The following GALNT18 variants were observed in gnomAD, a reference collection of about 807,000 sequenced individuals.
GALNT18 encodes the protein polypeptide N-acetylgalactosaminyltransferase 18.
A neutral mutation model predicts 69.5 loss-of-function variants in GALNT18; 44 were observed. The observed-to-expected ratio is 0.63, with a 90% CI of 0.50 to 0.81. The LOEUF is 0.81. Among genes scored for constraint, GALNT18 ranks in the 40% least tolerant of loss-of-function variants. The probability of loss-of-function intolerance (pLI) is 0.00; values close to 1 mark genes in which losing one functional copy is unlikely to be tolerated. For missense variants in GALNT18, 715 were observed against 810.0 expected (o/e 0.88, Z 1.42); for synonymous variants, 364 against 318.2 (o/e 1.14, Z -1.53).
At position 11,432,778 on chromosome 11, in the gene GALNT18, G is replaced by T. The variant is rs201934544; in HGVS notation, c.438C>A (p.Asn146Lys). ...CTGGCAGGCTGTCAGGAAATGAGAG[G>T]TTACGGCACCTGCAAAGAACAGCCA... ...LPDLRPSGCR[N>K]LSFPDSLPEV... The change falls in exon 3 of 11, where the codon AAC becomes AAA. Residue 146 changes from asparagine (N) to lysine (K), a missense_variant. Asn to Lys is a moderately conservative substitution (Grantham distance 94, BLOSUM62 0). Coordinates refer to ENST00000227756, the MANE Select transcript of GALNT18 (RefSeq NM_198516.3). This position sits in a 1 kb window ranked among gnomAD's most constrained non-coding sequence, Gnocchi z 5.8. 1.1e-5 allele frequency: 18 copies of T among 1,613,644 alleles called. No individual in the cohort carries two copies. The highest frequency in any genetic ancestry group is 1.4e-5 in the Non-Finnish European group (16 of 1,179,750).
chr11:11,546,321 C>G lies in GALNT18; in HGVS notation c.235+75038G>C, dbSNP rs1858052631. Among the ~76,000 whole-genome samples the G allele has an allele frequency of 6.6e-6, 1 of 152,178 alleles. No homozygotes were observed. ...ACCTGAGGCCATCGGGACTCCCTGT[C>G]TTATCCTCCCCATGCACTAGATCCT... On this transcript the variant is annotated intron_variant, in intron 1 of 10. Transcript: ENST00000227756. This position sits in a 1 kb window ranked among gnomAD's most constrained non-coding sequence, Gnocchi z 5.8.
Position 11,293,178 on chromosome 11 carries a change from T to C in GALNT18, c.1528A>G (p.Ser510Gly). 7.5e-7 allele frequency: 1 copy of C among 1,336,456 alleles called. No individual in the cohort carries two copies. The highest frequency in any genetic ancestry group is 9.7e-7 in the Non-Finnish European group (1 of 1,033,594). 82.8% of individuals were successfully genotyped at this position (1,336,456 alleles called of 1,614,324 possible). A position where few individuals can be genotyped will look rare whatever the true frequency, so the allele number is the denominator to read the frequency against. ...GMTPQNVYYT[S>G]SQQIHVGILS... ...ATGCCCACATGGATCTGCTGACTGCTCGTGTAGTACACGTTCTGGGGGCGG... is the reference window on the plus strand; with the variant it reads ...ATGCCCACATGGATCTGCTGACTGCCCGTGTAGTACACGTTCTGGGGGCGG... Residue 510 changes from serine (S) to glycine (G), a missense_variant, in exon 10 of 11, where the codon AGC becomes GGC. Ser to Gly is a moderately conservative substitution (Grantham distance 56). Coordinates refer to ENST00000227756, the MANE Select transcript of GALNT18 (RefSeq NM_198516.3).
intron 1 of GALNT18, among the ~76,000 whole-genome samples, chr11:11,558,581 A>C (rs1858389468): frequency 6.6e-6 from 1 of 152,132 alleles, no homozygotes; most frequent in Non-Finnish European, 1.5e-5. Flanking sequence ...CAGCATTTCC[A>C]CCCTTCTTTA....
intron 3 of GALNT18, among the ~76,000 whole-genome samples, chr11:11,390,025 C>T (rs1445280536): frequency 6.6e-6 from 1 of 152,136 alleles, no homozygotes; most frequent in Non-Finnish European, 1.5e-5. Flanking sequence ...TCCAAAATTT[C>T]AAAATTCTGA....
In GALNT18 at chr11:11,413,309, G is replaced by A. The variant is rs1026675977; in HGVS notation, c.595+19312C>T. Among the ~76,000 whole-genome samples, 1 of 152,172 alleles carries A rather than the reference G, an allele frequency of 6.6e-6. No homozygotes were observed. On this transcript the variant is annotated intron_variant, in intron 3 of 10. Coordinates refer to ENST00000227756, the MANE Select transcript of GALNT18 (RefSeq NM_198516.3). The surrounding 1 kb of genome is among the most constrained non-coding windows in gnomAD (Gnocchi z 4.7). ...AGCTCTTCTGCACTGAGTGGCCCTGGAGGGGAAGCAATAGTCTGGCCAAAC... is the reference window on the plus strand; with the variant it reads ...AGCTCTTCTGCACTGAGTGGCCCTGAAGGGGAAGCAATAGTCTGGCCAAAC...
rs563453553 is a variant in GALNT18, at chr11:11,338,050, C to A, written c.1278+2769G>T. Among the ~76,000 whole-genome samples the A allele has an allele frequency of 9.9e-4, 150 of 151,020 alleles. 2 individuals are homozygous for A. The highest frequency in any genetic ancestry group is 3.4e-3 in the African/African-American group (138 of 41,002). The stretch of plus-strand genomic sequence containing the variant: ...TGGCACGATCTCAGCTCACTGGGAC[C>A]TCCGCCTCCCAGGTTAAAATGATTC... On this transcript the variant is annotated intron_variant, in intron 7 of 10. Transcript: ENST00000227756. The surrounding 1 kb of genome is among the most constrained non-coding windows in gnomAD (Gnocchi z 5.3).
rs1850169880 is a variant in GALNT18, at chr11:11,339,673, C to T, written c.1278+1146G>A. Among the ~76,000 whole-genome samples, 1 of 152,178 alleles carries T rather than the reference C, an allele frequency of 6.6e-6. No individual in the cohort carries two copies. Among genetic ancestry groups the T allele is most frequent in the African/African-American group, 2.4e-5 (1 of 41,426 alleles). ...TCCCGGGCTGGTACATTAGAGTTGG[C>T]TGCACTCTGGCTGATATTTCTCCGC... On this transcript the variant is annotated intron_variant, in intron 7 of 10. Coordinates refer to ENST00000227756, the MANE Select transcript of GALNT18 (RefSeq NM_198516.3). This position sits in a 1 kb window ranked among gnomAD's most constrained non-coding sequence, Gnocchi z 5.2.
chr11:11,376,359 G>C (rs1027125309), intron 5 of GALNT18, among the ~76,000 whole-genome samples: 1 of 152,118 alleles, frequency 6.6e-6, no homozygotes, highest in Non-Finnish European at 1.5e-5. Flanking sequence ...TCCAGCCTGG[G>C]TGACAGAGTG....
Position 11,382,764 on chromosome 11 carries a change from TA to T in GALNT18, c.596-3501del. 6.6e-6 allele frequency among the ~76,000 whole-genome samples: 1 copy of T among 152,326 alleles called. No individual in the cohort carries two copies. The highest frequency in any genetic ancestry group is 1.9e-4 in the East Asian group (1 of 5,184). On this transcript the variant is annotated intron_variant, in intron 3 of 10. Coordinates refer to ENST00000227756, the MANE Select transcript of GALNT18 (RefSeq NM_198516.3). This position sits in a 1 kb window ranked among gnomAD's most constrained non-coding sequence, Gnocchi z 4.3. ...ATTCCCTATGCAAGCTATCTTTAAT[TA>T]ATTTTTTGAAATTTCTATAAATAAC... is the stretch of plus-strand genomic sequence containing the variant.
rs1850527178 is a variant in GALNT18 at position 11,356,235 on chromosome 11, G to A, written c.1093-15231C>T. ...AAACCACAGCAGTGTCAGAGGAGGA[G>A]GAGAAGGAACCCTTGCTCAGTTTGT... On this transcript the variant is annotated intron_variant, in intron 6 of 10. Transcript: ENST00000227756. The surrounding 1 kb of genome is among the most constrained non-coding windows in gnomAD (Gnocchi z 4.4). Among the ~76,000 whole-genome samples the A allele has an allele frequency of 1.3e-5, 2 of 152,190 alleles. No homozygotes were observed. The highest frequency in any genetic ancestry group is 4.8e-5 in the African/African-American group (2 of 41,442).
In GALNT18 at chr11:11,332,934, G is replaced by C. The variant is rs1016911379; in HGVS notation, c.1279-103C>G. On this transcript the variant is annotated intron_variant, in intron 7 of 10. Coordinates refer to ENST00000227756, the MANE Select transcript of GALNT18 (RefSeq NM_198516.3). This position sits in a 1 kb window ranked among gnomAD's most constrained non-coding sequence, Gnocchi z 4.3. Reference sequence around the variant, plus strand: ...TTGTGCCCCCAACAAGATTCCTAGAGACTGGGGAAGGGACCATGTGGCACG... The same window carrying C: ...TTGTGCCCCCAACAAGATTCCTAGACACTGGGGAAGGGACCATGTGGCACG... The C allele has an allele frequency of 7.7e-7, 1 of 1,291,362 alleles. No homozygotes were observed. Among genetic ancestry groups the C allele is most frequent in the African/African-American group, 1.4e-5 (1 of 69,388 alleles). The allele number at this position is 1,291,362 out of a possible 1,614,324, so 80.0% of individuals were successfully genotyped here. A position where few individuals can be genotyped will look rare whatever the true frequency, so the allele number is the denominator to read the frequency against.
intron 3 of GALNT18, among the ~76,000 whole-genome samples, chr11:11,417,617 C>G (rs1345095002): frequency 6.6e-6 from 1 of 152,220 alleles, no homozygotes; most frequent in African/African-American, 2.4e-5. Context: ...CTGGCTGCCC[C>G]TCTCAGGAGG....
intron 3 of GALNT18, among the ~76,000 whole-genome samples, chr11:11,423,246 AAC>A (rs1436023696): frequency 2.6e-5 from 4 of 152,192 alleles, no homozygotes; most frequent in Non-Finnish European, 5.9e-5. Context: ...CATGCACACA[AAC>A]ACATGTGTTA....
chr11:11,467,308 C>A (rs1415499699), intron 1 of GALNT18, among the ~76,000 whole-genome samples: 1 of 152,214 alleles, frequency 6.6e-6, no homozygotes, highest in Non-Finnish European at 1.5e-5. Flanking sequence ...ACCCATGGCT[C>A]CATGGCCAGA....
chr11:11,339,736 T>C lies in GALNT18; in HGVS notation c.1278+1083A>G, dbSNP rs899095933. Reference sequence around the variant, plus strand: ...CTCCCAACTGCTGAAACCTCACTGATTGTGGGAGTATGCAACCCAACTCAA... The same window carrying C: ...CTCCCAACTGCTGAAACCTCACTGACTGTGGGAGTATGCAACCCAACTCAA... On this transcript the variant is annotated intron_variant, in intron 7 of 10. Coordinates refer to ENST00000227756, the MANE Select transcript of GALNT18 (RefSeq NM_198516.3). This position sits in a 1 kb window ranked among gnomAD's most constrained non-coding sequence, Gnocchi z 5.2. 3.9e-5 allele frequency among the ~76,000 whole-genome samples: 6 copies of C among 152,156 alleles called. No homozygotes were observed. The highest frequency in any genetic ancestry group is 7.2e-5 in the African/African-American group (3 of 41,458).
chr11:11,348,987 C>T (rs1049268705), intron 6 of GALNT18, among the ~76,000 whole-genome samples: 2 of 152,054 alleles, frequency 1.3e-5, no homozygotes, highest in Admixed American at 1.3e-4. Context: ...CCTCTGAGTG[C>T]TTTTCCTTAC....
chr11:11,516,349 T>G (rs1056064076), intron 1 of GALNT18, among the ~76,000 whole-genome samples: 3 of 152,196 alleles, frequency 2.0e-5, no homozygotes, highest in African/African-American at 7.2e-5. Flanking sequence ...AGAAAATTCC[T>G]GGTTGGGCAC....
rs561666663 is a variant in GALNT18, at chr11:11,503,115, C to T, written c.236-54179G>A. On this transcript the variant is annotated intron_variant, in intron 1 of 10. Coordinates refer to ENST00000227756, the MANE Select transcript of GALNT18 (RefSeq NM_198516.3). ...AAAATAGATTCCTCTTCTCAAAAGC[C>T]ACCCCTGAGGAAGTAGACGGATTTT... Among the ~76,000 whole-genome samples, 4 of 152,304 alleles carry T rather than the reference C, an allele frequency of 2.6e-5. No individual in the cohort carries two copies. In the South Asian group the frequency reaches 8.3e-4, roughly 32 times the overall value.
intron 1 of GALNT18, among the ~76,000 whole-genome samples, chr11:11,450,517 G>T (rs1435088886): frequency 6.6e-6 from 1 of 152,180 alleles, no homozygotes; most frequent in African/African-American, 2.4e-5. Context: ...GAGTAGAAGG[G>T]GACTTAGCAA....
Sources: allele counts gnomAD v4.1 joint callset (sites outside exome capture counted in the v4.1 genomes callset), GRCh38; gene constraint gnomAD v4.1.1; non-coding constraint Gnocchi (gnomAD v3.1); transcripts MANE v1.5; gene names NCBI Gene and HGNC (gene_info 2026-07-23, HGNC 2026-07-21).